The following KCNAB2 variants were observed in gnomAD, a reference collection of about 807,000 sequenced individuals.
KCNAB2 encodes the protein potassium voltage-gated channel subfamily A regulatory beta subunit 2, also known as voltage-gated potassium channel subunit beta-2.
Under a neutral mutation model 63.6 loss-of-function variants are expected in KCNAB2, and 29 were observed. The observed-to-expected ratio is 0.46, with a 90% CI of 0.34 to 0.62. The LOEUF is 0.62. KCNAB2 is among the 20% of genes least tolerant of loss of function. KCNAB2 has a pLI of 0.01. For synonymous variants in KCNAB2, 222 were observed against 224.2 expected (o/e 0.99, Z 0.09); for missense variants, 359 against 563.9 (o/e 0.64, Z 3.68).
Position 6,005,921 on chromosome 1 carries a change from TCCCCC to T in KCNAB2, c.-53+13135_-53+13139del, listed in dbSNP as rs753472014. The stretch of plus-strand genomic sequence containing the variant: ...CTCACCCCTCAGCTCAGCTCCCACA[TCCCCC>T]CACTCCACCCTCACCCCTCAGCTCA... On this transcript the variant is annotated intron_variant, in intron 1 of 16. Transcript: ENST00000341524. Among the ~76,000 whole-genome samples the T allele has an allele frequency of 2.0e-4, 20 of 102,204 alleles. 2 individuals carry two copies. The highest frequency in any genetic ancestry group is 1.5e-3 in the South Asian group (4 of 2,652). The allele number at this position is 102,204 out of a possible 152,430, so 67.0% of individuals were successfully genotyped here.
rs1185289548 is a variant in KCNAB2, at chr1:6,024,054, G to C, written c.-52-16463G>C. Among the ~76,000 whole-genome samples, 1 of 151,780 alleles carries C rather than the reference G, an allele frequency of 6.6e-6. No individual in the cohort carries two copies. Among genetic ancestry groups the C allele is most frequent in the Non-Finnish European group, 1.5e-5 (1 of 68,002 alleles). On this transcript the variant is annotated intron_variant, in intron 1 of 16. Coordinates refer to the KCNAB2 transcript ENST00000341524. The surrounding 1 kb of genome is among the most constrained non-coding windows in gnomAD (Gnocchi z 5.4). ...CCTCCTGGGTTCAAGCAATTCTCCT[G>C]CCTCAGCCTTCCGAGTAGCTGGGAT...
At chr1:6,002,988 C>T (rs920599063) in intron 1 of KCNAB2, among the ~76,000 whole-genome samples, 3 of 151,276 alleles carry the variant, frequency 2.0e-5, no homozygotes, top group African/African-American at 7.3e-5. Flanking sequence ...CTCTGTGTCC[C>T]GGGTGAGAAC....
rs1360606685 is a variant in KCNAB2 at position 6,099,710 on chromosome 1, TGCACCCCCACA to T, written c.*1148_*1158del. The T allele has an allele frequency of 2.6e-4, 361 of 1,415,518 alleles. 1 individual carries two copies. In the African/African-American group the frequency reaches 3.2e-3, roughly 13 times the overall value. The allele number at this position is 1,415,518 out of a possible 1,614,324, so 87.7% of individuals were successfully genotyped here. A position where few individuals can be genotyped will look rare whatever the true frequency, so the allele number is the denominator to read the frequency against. On this transcript the variant is annotated 3_prime_UTR_variant, in exon 16 of 16. Transcript: ENST00000378083. ...TTTTCTGTGCCCATGACTTGGGGGC[TGCACCCCCACA>T]GCACCCCCACAATGTAGGAAAAGAC...
In KCNAB2 at chr1:6,100,881, G is replaced by A. The variant is rs1665986208; in HGVS notation, c.*2307G>A. The A allele has an allele frequency of 6.6e-6, 1 of 152,284 alleles. No homozygotes were observed. The highest frequency in any genetic ancestry group is 6.5e-5 in the Admixed American group (1 of 15,292). 9.4% of individuals were successfully genotyped at this position (152,284 alleles called of 1,614,324 possible). A position where few individuals can be genotyped will look rare whatever the true frequency, so the allele number is the denominator to read the frequency against. On this transcript the variant is annotated 3_prime_UTR_variant, in exon 16 of 16. Transcript: ENST00000378083. ...AGGGCAGTCGGGGTCTAGAAAGGAG[G>A]GCGCTGGCCCTGCTGGACGCTTCGG...
rs550225470 is a variant in KCNAB2 at position 6,058,738 on chromosome 1, G to A, written c.218+6984G>A. 1.8e-4 allele frequency among the ~76,000 whole-genome samples: 28 copies of A among 152,362 alleles called. No individual in the cohort carries two copies. The South Asian group carries it at 5.2e-3, about 28-fold the overall frequency. The stretch of plus-strand genomic sequence containing the variant: ...AGACAAGGGGCGGAGGCATCAGGAA[G>A]GAACAGGAGGAGGGAGGGAGGCGAG... On this transcript the variant is annotated intron_variant, in intron 2 of 15. Transcript: ENST00000378083.
At chr1:6,097,506 T>A in intron 15 of KCNAB2, 149 bp downstream of exon 15, 4 of 1,397,842 alleles carry the variant, frequency 2.9e-6, no homozygotes, top group Non-Finnish European at 2.9e-6. Flanking sequence ...CCTGGAGAGC[T>A]TGCTTTCCAG....
At chr1:6,039,788 C>T (rs1001480030) in intron 1 of KCNAB2, among the ~76,000 whole-genome samples, 2 of 152,234 alleles carry the variant, frequency 1.3e-5, no homozygotes, top group Non-Finnish European at 2.9e-5. Flanking sequence ...TTCTCGCCAG[C>T]TGTCGGCCCG....
At chr1:6,011,833 G>T (rs538152905) in intron 1 of KCNAB2, among the ~76,000 whole-genome samples, 1 of 152,240 alleles carries the variant, frequency 6.6e-6, no homozygotes, top group Non-Finnish European at 1.5e-5. Context: ...CACCTGTGGG[G>T]CCCTTGCCTG....
intron 9 of KCNAB2, 78 bp from the exon 10 acceptor site, chr1:6,091,185 T>A: frequency 9.5e-7 from 1 of 1,048,826 alleles, no homozygotes. Flanking sequence ...GCCTCCCCGC[T>A]GTGCCTTCGT....
intron 11 of KCNAB2, among the ~76,000 whole-genome samples, 184 bp downstream of exon 11, chr1:6,094,669 T>G (rs1665474647): frequency 6.6e-6 from 1 of 152,188 alleles, no homozygotes; most frequent in Admixed American, 6.5e-5. Context: ...CAGACGGGGA[T>G]TCTGCATGGA....
chr1:6,094,473 C>G lies in KCNAB2; in HGVS notation c.720C>G (p.Ser240=), dbSNP rs1485183837. Residue 240 remains serine (S), a synonymous_variant, in exon 11 of 16, where the codon TCC becomes TCG. Transcript: ENST00000378083. The part of the protein sequence containing the change: ...AMYWGTSRWS[S]MEIMEAYSVA... The stretch of plus-strand genomic sequence containing the variant: ...ACTGGGGCACGTCACGCTGGAGCTC[C>G]ATGGAGATCATGGTACGGTGGCCGC... The G allele has an allele frequency of 1.9e-6, 3 of 1,610,304 alleles. No homozygotes were observed. The East Asian group carries it at 6.7e-5, about 36-fold the overall frequency.
In KCNAB2 at chr1:6,078,334, A is replaced by G. The variant is rs75987340; in HGVS notation, c.301-3861A>G. 5.1e-3 allele frequency among the ~76,000 whole-genome samples: 783 copies of G among 152,352 alleles called. No homozygotes were observed. The highest frequency in any genetic ancestry group is 0.018 in the African/African-American group (748 of 41,574). ...GAGTACTCACGTTAATCCCATCTGC[A>G]AAGTCCCTCTTTCTACCTAAGGTCA... On this transcript the variant is annotated intron_variant, in intron 4 of 15. Coordinates refer to ENST00000378083, the MANE Select transcript of KCNAB2 (RefSeq NM_001199862.2). This position sits in a 1 kb window ranked among gnomAD's most constrained non-coding sequence, Gnocchi z 4.2.
rs577149254 is a variant in KCNAB2 at position 6,001,507 on chromosome 1, T to C, written c.-53+8719T>C. ...TAATCATGATCACCGGTTGTTGGAG[T>C]GGCCTGGCCACCTGCTGGGCTGTAT... On this transcript the variant is annotated intron_variant, in intron 1 of 16. Coordinates refer to the KCNAB2 transcript ENST00000341524. 4.9e-3 allele frequency among the ~76,000 whole-genome samples: 746 copies of C among 152,038 alleles called. 10 individuals are homozygous for C. The highest frequency in any genetic ancestry group is 0.017 in the African/African-American group (700 of 41,448).
chr1:6,078,648 C>G lies in KCNAB2; in HGVS notation c.301-3547C>G, dbSNP rs183405143. ...TGGAGACTTTGGCTTTGACCCTCTG[C>G]GAGATGGAAGCCCCTGGAGGGCTTT... On this transcript the variant is annotated intron_variant, in intron 4 of 15. Coordinates refer to ENST00000378083, the MANE Select transcript of KCNAB2 (RefSeq NM_001199862.2). The surrounding 1 kb of genome is among the most constrained non-coding windows in gnomAD (Gnocchi z 4.2). Among the ~76,000 whole-genome samples, 19 of 152,242 alleles carry G rather than the reference C, an allele frequency of 1.2e-4. No individual in the cohort carries two copies. Among genetic ancestry groups the G allele is most frequent in the African/African-American group, 4.1e-4 (17 of 41,540 alleles).
At chr1:6,049,743 T>C (rs1661233311) in intron 1 of KCNAB2, among the ~76,000 whole-genome samples, 1 of 152,212 alleles carries the variant, frequency 6.6e-6, no homozygotes, top group South Asian at 2.1e-4. Flanking sequence ...CCTACCTCAA[T>C]TGCATGTTCA....
chr1:6,006,745 T>G (rs563282332), intron 1 of KCNAB2, among the ~76,000 whole-genome samples: 5 of 145,410 alleles, frequency 3.4e-5, no homozygotes, highest in Non-Finnish European at 7.5e-5. Flanking sequence ...ATTCCCCTAC[T>G]CCACCCTCAC....
rs34742623 is a variant in KCNAB2, at chr1:6,015,016, C to CTTTTTTT, written c.-53+22248_-53+22254dup. The stretch of plus-strand genomic sequence containing the variant: ...TTTTATTACAGACGGGGTCACCTTC[C>CTTTTTTT]TTTTTTTTTTTTTTTTTTTTTTTTT... On this transcript the variant is annotated intron_variant, in intron 1 of 16. Coordinates refer to the KCNAB2 transcript ENST00000341524. 5.3e-4 allele frequency among the ~76,000 whole-genome samples: 44 copies of CTTTTTTT among 82,806 alleles called. 2 individuals carry two copies. Among genetic ancestry groups the CTTTTTTT allele is most frequent in the East Asian group, 1.8e-3 (5 of 2,704 alleles). 54.3% of individuals were successfully genotyped at this position (82,806 alleles called of 152,430 possible). A position where few individuals can be genotyped will look rare whatever the true frequency, so the allele number is the denominator to read the frequency against.
At chr1:6,095,154 G>A (rs1170037070) in intron 11 of KCNAB2, among the ~76,000 whole-genome samples, 169 bp from the exon 12 acceptor site, 1 of 152,214 alleles carries the variant, frequency 6.6e-6, no homozygotes, top group Non-Finnish European at 1.5e-5. Context: ...GCTCACCAGG[G>A]CCTGCCTGGC....
intron 2 of KCNAB2, among the ~76,000 whole-genome samples, chr1:6,052,104 A>C (rs1434352619): frequency 1.3e-5 from 2 of 152,036 alleles, no homozygotes; most frequent in Non-Finnish European, 2.9e-5. Context: ...CACTGTCTCA[A>C]CAACAACAAC....
Sources: allele counts gnomAD v4.1 joint callset (sites outside exome capture counted in the v4.1 genomes callset), GRCh38; gene constraint gnomAD v4.1.1; non-coding constraint Gnocchi (gnomAD v3.1); transcripts MANE v1.5; gene names NCBI Gene and HGNC (gene_info 2026-07-23, HGNC 2026-07-21).